JMJD1C: variants seen among roughly 807,000 people sequenced by gnomAD.
The protein encoded by JMJD1C is jumonji domain-containing protein 1C.
In JMJD1C, 31 loss-of-function variants were observed where a neutral mutation model predicts 245.3. That is an observed-to-expected ratio of 0.13 (90% CI 0.09 to 0.17). The LOEUF is 0.17. Ranked by LOEUF, JMJD1C falls within the 10% of genes least tolerant of loss-of-function variation. JMJD1C has a pLI of 1.00. For missense variants in JMJD1C, 2,691 were observed against 3,000.2 expected (o/e 0.90, Z 2.41); for synonymous variants, 1,057 against 1,017.4 (o/e 1.04, Z -0.74).
intron 1 of JMJD1C, among the ~76,000 whole-genome samples, chr10:63,429,976 T>C (rs1216448938): frequency 3.3e-5 from 5 of 152,192 alleles, no homozygotes; most frequent in African/African-American, 1.2e-4. Context: ...AAAAACTCTA[T>C]CCCATTTCTA....
intron 2 of JMJD1C, among the ~76,000 whole-genome samples, chr10:63,369,324 C>T (rs978623472): frequency 4.0e-5 from 6 of 151,290 alleles, no homozygotes; most frequent in East Asian, 2.0e-4. Flanking sequence ...GTATTTTTAG[C>T]GGAGATGGGG....
chr10:63,243,103 T>TTTTATATA (rs374884422), intron 3 of JMJD1C, among the ~76,000 whole-genome samples: 3 of 120,124 alleles, frequency 2.5e-5, no homozygotes, highest in Non-Finnish European at 3.6e-5. Context: ...CTAACATAAA[T>TTTTATATA]TATATATATA....
At chr10:63,287,074 G>A (rs575525989) in intron 2 of JMJD1C, among the ~76,000 whole-genome samples, 3 of 152,290 alleles carry the variant, frequency 2.0e-5, no homozygotes, top group South Asian at 2.1e-4. Flanking sequence ...AGCTGGGCAT[G>A]GTGGCGCACA....
intron 1 of JMJD1C, among the ~76,000 whole-genome samples, chr10:63,409,220 T>A (rs1301910254): frequency 1.3e-5 from 2 of 152,224 alleles, no homozygotes. Flanking sequence ...ATTGACATCT[T>A]ACTACATACA....
intron 1 of JMJD1C, among the ~76,000 whole-genome samples, chr10:63,438,943 G>C (rs1177828113): frequency 6.6e-6 from 1 of 151,900 alleles, no homozygotes. Context: ...CTTATCTTTT[G>C]TCTCTCCTTC....
chr10:63,185,668 GT>G lies in JMJD1C; in HGVS notation c.6740-16del, dbSNP rs1252426642. The G allele has an allele frequency of 1.4e-6, 2 of 1,418,024 alleles. No homozygotes were observed. The highest frequency in any genetic ancestry group is 3.5e-5 in the Admixed American group (2 of 56,706). 87.8% of individuals were successfully genotyped at this position (1,418,024 alleles called of 1,614,324 possible). On this transcript the variant is annotated splice_polypyrimidine_tract_variant and intron_variant, in intron 19 of 25. Coordinates refer to ENST00000399262, the MANE Select transcript of JMJD1C (RefSeq NM_032776.3). ...TTTCTGCCGTTCTATAAGGAATGCA[GT>G]TAATTACTAAAAGGGTAATTTCTGC...
At chr10:63,202,938 A>G in intron 10 of JMJD1C, 1 of 982,036 alleles carries the variant, frequency 1.0e-6, no homozygotes, top group Non-Finnish European at 1.2e-6. Context: ...TCTTTTTATT[A>G]TATGCCTTTA....
Position 63,207,580 on chromosome 10 carries a change from A to C in JMJD1C, c.4089T>G (p.Ser1363Arg), listed in dbSNP as rs897208160. 2 of 1,614,170 alleles carry C rather than the reference A, an allele frequency of 1.2e-6. No individual in the cohort carries two copies. The highest frequency in any genetic ancestry group is 1.7e-6 in the Non-Finnish European group (2 of 1,180,032). The stretch of plus-strand genomic sequence containing the variant: ...AGTTTTTTTCAGATTTTGTGTGAAC[A>C]CTGTCTGAATTCACATTTGGCAAAA... The part of the protein sequence containing the change: ...RIILPNVNSD[S>R]VHTKSEKNFQ... The change falls in exon 10 of 26, where the codon AGT (serine) becomes AGG (arginine). Residue 1363 changes from serine (S) to arginine (R), a missense_variant. By Grantham distance (110) the Ser-to-Arg change is moderately radical. Around this residue, in one of 9 missense-constraint regions of JMJD1C, gnomAD observed 1,562 missense variants for 1,490.7 expected, o/e 1.05. Coordinates refer to ENST00000399262, the MANE Select transcript of JMJD1C (RefSeq NM_032776.3).
In JMJD1C at chr10:63,305,642, G is replaced by GTT. The variant is rs1938085411; in HGVS notation, c.334-40879_334-40878insAA. The stretch of plus-strand genomic sequence containing the variant: ...CCACCATGCTGGCGTGTGTGTGTGT[G>GTT]TGTGTGTGTGTGTGTGTGTGTGTGT... On this transcript the variant is annotated intron_variant, in intron 2 of 25. Coordinates refer to ENST00000399262, the MANE Select transcript of JMJD1C (RefSeq NM_032776.3). Among the ~76,000 whole-genome samples the GTT allele has an allele frequency of 3.5e-5, 3 of 85,292 alleles. No homozygotes were observed. In the South Asian group the frequency reaches 7.9e-4, roughly 22 times the overall value. The allele number at this position is 85,292 out of a possible 152,430, so 56.0% of individuals were successfully genotyped here. A position where few individuals can be genotyped will look rare whatever the true frequency, so the allele number is the denominator to read the frequency against.
intron 3 of JMJD1C, among the ~76,000 whole-genome samples, chr10:63,235,275 C>T (rs568430618): frequency 1.3e-5 from 2 of 152,140 alleles, no homozygotes; most frequent in South Asian, 2.1e-4. Context: ...GCAGGTGGAT[C>T]GCCTGAGGTC....
intron 3 of JMJD1C, among the ~76,000 whole-genome samples, chr10:63,263,403 ATAACT>A (rs2133768250): frequency 6.6e-6 from 1 of 152,308 alleles, no homozygotes; most frequent in South Asian, 2.1e-4. Context: ...TGCACAACAA[ATAACT>A]GCTCATTAAC....
In JMJD1C at chr10:63,195,941, A is replaced by C. The variant is rs1336701180; in HGVS notation, c.5644+1470T>G. Among the ~76,000 whole-genome samples, 2 of 147,772 alleles carry C rather than the reference A, an allele frequency of 1.4e-5. 1 individual carries two copies. The highest frequency in any genetic ancestry group is 5.0e-5 in the African/African-American group (2 of 39,980). On this transcript the variant is annotated intron_variant, in intron 13 of 25. Transcript: ENST00000399262. The stretch of plus-strand genomic sequence containing the variant: ...GAGACTCTGTCTCAAAAAAAGAAAA[A>C]AGAATGATACGGTAACAAGACTATA...
intron 2 of JMJD1C, among the ~76,000 whole-genome samples, chr10:63,350,115 C>T (rs1405608825): frequency 6.6e-6 from 1 of 152,130 alleles, no homozygotes; most frequent in African/African-American, 2.4e-5. Context: ...ACTTCTCTAT[C>T]AATGGAATCT....
intron 1 of JMJD1C, among the ~76,000 whole-genome samples, chr10:63,507,987 T>C (rs554752426): frequency 2.6e-5 from 4 of 152,336 alleles, no homozygotes; most frequent in African/African-American, 9.6e-5. Flanking sequence ...TTATCAAATA[T>C]ATCTTTTGCA....
intron 1 of JMJD1C, among the ~76,000 whole-genome samples, chr10:63,464,159 G>A (rs1454127746): frequency 6.6e-6 from 1 of 152,026 alleles, no homozygotes; most frequent in Non-Finnish European, 1.5e-5. Flanking sequence ...TACTTTTTAA[G>A]GAAGATTATA....
chr10:63,403,778 A>T (rs898045855), intron 1 of JMJD1C, among the ~76,000 whole-genome samples: 5 of 152,146 alleles, frequency 3.3e-5, no homozygotes, highest in African/African-American at 7.2e-5. Context: ...CTCTACTAAA[A>T]AATACAAAAA....
At chr10:63,368,715 C>T (rs1946057584) in intron 2 of JMJD1C, among the ~76,000 whole-genome samples, 1 of 152,182 alleles carries the variant, frequency 6.6e-6, no homozygotes, top group Non-Finnish European at 1.5e-5. Flanking sequence ...GAGACAGAGT[C>T]TCGCTCAGCT....
At chr10:63,300,891 CAA>C (rs59953949) in intron 2 of JMJD1C, among the ~76,000 whole-genome samples, 2 of 140,050 alleles carry the variant, frequency 1.4e-5, no homozygotes, top group Non-Finnish European at 1.5e-5. Context: ...GACTCTGTCT[CAA>C]AAAAAAAAAA....
intron 1 of JMJD1C, among the ~76,000 whole-genome samples, chr10:63,497,166 G>A (rs945269387): frequency 6.6e-5 from 10 of 151,346 alleles, no homozygotes; most frequent in African/African-American, 2.4e-4. Flanking sequence ...ATTAATCTTA[G>A]TTTACTTAAA....
Sources: allele counts gnomAD v4.1 joint callset (sites outside exome capture counted in the v4.1 genomes callset), GRCh38; gene constraint gnomAD v4.1.1; regional missense constraint gnomAD v4.1.1; transcripts MANE v1.5; gene names NCBI Gene and HGNC (gene_info 2026-07-23, HGNC 2026-07-21).